Variants in GRIP1 observed in about 807,000 individuals in gnomAD.
GRIP1 encodes glutamate receptor interacting protein 1, also known as glutamate receptor-interacting protein 1.
Under a neutral mutation model 129.9 loss-of-function variants are expected in GRIP1, and 45 were observed. That is an observed-to-expected ratio of 0.35 (90% CI 0.27 to 0.44). GRIP1 has a LOEUF of 0.44. Ranked by LOEUF, GRIP1 falls within the 20% of genes least tolerant of loss-of-function variation. The probability of loss-of-function intolerance (pLI) is 1.00; values close to 1 mark genes in which losing one functional copy is unlikely to be tolerated. For missense variants in GRIP1, 1,196 were observed against 1,396.8 expected (o/e 0.86, Z 2.29); for synonymous variants, 530 against 520.8 (o/e 1.02, Z -0.24).
At chr12:66,680,444 G>C (rs971724583), upstream of GRIP1, among the ~76,000 whole-genome samples, 8 of 152,136 alleles carry the variant, frequency 5.3e-5, no homozygotes, top group African/African-American at 1.9e-4. Flanking sequence ...GAAAAGAACA[G>C]AATTCTTTTA....
intron 1 of GRIP1, among the ~76,000 whole-genome samples, chr12:66,798,174 AC>A (rs2038756113): frequency 6.6e-6 from 1 of 152,192 alleles, no homozygotes; most frequent in African/African-American, 2.4e-5. Context: ...GTAGAAATCA[AC>A]AAAAAATAAG....
intron 16 of GRIP1, among the ~76,000 whole-genome samples, chr12:66,402,265 A>C (rs1265724423): frequency 6.6e-6 from 1 of 152,144 alleles, no homozygotes; most frequent in Non-Finnish European, 1.5e-5. Flanking sequence ...TCATATTGTT[A>C]ATTATTGATT....
At chr12:66,562,176 G>C (rs930874003) in intron 2 of GRIP1, among the ~76,000 whole-genome samples, 4 of 152,156 alleles carry the variant, frequency 2.6e-5, no homozygotes, top group Non-Finnish European at 5.9e-5. Flanking sequence ...CACTAAGGTT[G>C]TTTAAGTATT....
At chr12:66,608,680 A>G (rs959769794) in intron 1 of GRIP1, among the ~76,000 whole-genome samples, 5 of 152,084 alleles carry the variant, frequency 3.3e-5, no homozygotes, top group Admixed American at 2.6e-4. Flanking sequence ...TCAACTCACT[A>G]GAGTTTTACT....
intron 7 of GRIP1, among the ~76,000 whole-genome samples, chr12:66,494,118 G>A (rs2138699538): frequency 6.6e-6 from 1 of 152,260 alleles, no homozygotes; most frequent in African/African-American, 2.4e-5. Context: ...TTAATTCATT[G>A]TCTCACTTTC....
At chr12:67,011,012 A>G (rs2042698768) in intron 1 of GRIP1, among the ~76,000 whole-genome samples, 1 of 152,142 alleles carries the variant, frequency 6.6e-6, no homozygotes, top group Non-Finnish European at 1.5e-5. Flanking sequence ...ATGGCTTCAA[A>G]GAACTGTAAA....
intron 1 of GRIP1, among the ~76,000 whole-genome samples, chr12:67,031,451 G>A (rs994468728): frequency 3.9e-5 from 6 of 152,106 alleles, no homozygotes; most frequent in Middle Eastern, 3.4e-3. Context: ...ACCATCTTCC[G>A]CTATTACCCA....
At chr12:66,706,230 A>G (rs1229710043) in intron 1 of GRIP1, among the ~76,000 whole-genome samples, 1 of 152,194 alleles carries the variant, frequency 6.6e-6, no homozygotes, top group Admixed American at 6.5e-5. Context: ...CCCCATCAAA[A>G]AGTGGGCAAA....
chr12:66,831,750 G>A (rs2039522806), intron 1 of GRIP1, among the ~76,000 whole-genome samples: 1 of 152,026 alleles, frequency 6.6e-6, no homozygotes, highest in Admixed American at 6.6e-5. Context: ...GGACGAGCAC[G>A]GTACAAAACC....
chr12:66,377,887 G>T (rs564864106), intron 20 of GRIP1, among the ~76,000 whole-genome samples: 1 of 152,204 alleles, frequency 6.6e-6, no homozygotes, highest in South Asian at 2.1e-4. Flanking sequence ...GTTGGAATGG[G>T]ATGGAACGTC....
At chr12:66,742,430 A>G (rs1592798129) in intron 1 of GRIP1, among the ~76,000 whole-genome samples, 1 of 152,224 alleles carries the variant, frequency 6.6e-6, no homozygotes, top group East Asian at 1.9e-4. Flanking sequence ...GCATCCTGAC[A>G]AGACTACCAG....
At chr12:66,883,773 T>C (rs1186237652) in intron 1 of GRIP1, among the ~76,000 whole-genome samples, 1 of 152,212 alleles carries the variant, frequency 6.6e-6, no homozygotes, top group Non-Finnish European at 1.5e-5. Context: ...TACTACATAG[T>C]GGAGAAGAGG....
At chr12:66,700,725 T>C (rs570427543) in intron 1 of GRIP1, among the ~76,000 whole-genome samples, 26 of 152,136 alleles carry the variant, frequency 1.7e-4, no homozygotes, top group African/African-American at 6.3e-4. Flanking sequence ...CTAGTACTGC[T>C]AGCAAGAGAT....
chr12:66,703,219 T>C (rs997302285), intron 1 of GRIP1, among the ~76,000 whole-genome samples: 1 of 152,100 alleles, frequency 6.6e-6, no homozygotes, highest in Admixed American at 6.6e-5. Flanking sequence ...TTGCTTGCAG[T>C]GTATGTGTGT....
chr12:66,954,974 T>C (rs747152443), intron 1 of GRIP1, among the ~76,000 whole-genome samples: 4 of 152,110 alleles, frequency 2.6e-5, no homozygotes, highest in Non-Finnish European at 5.9e-5. Flanking sequence ...ATTGATAAAG[T>C]GCCACTTGAG....
At chr12:66,899,764 C>T (rs949619966) in intron 1 of GRIP1, among the ~76,000 whole-genome samples, 1 of 152,220 alleles carries the variant, frequency 6.6e-6, no homozygotes, top group South Asian at 2.1e-4. Context: ...CTATACTTCT[C>T]TATCCCACAA....
chr12:66,418,257 C>G (rs1472540042), intron 15 of GRIP1, among the ~76,000 whole-genome samples: 1 of 152,110 alleles, frequency 6.6e-6, no homozygotes, highest in Non-Finnish European at 1.5e-5. Context: ...AAAAACTAGA[C>G]AGCTATTTCT....
At chr12:66,352,866 G>A (rs1181948367) in intron 24 of GRIP1, among the ~76,000 whole-genome samples, 3 of 152,156 alleles carry the variant, frequency 2.0e-5, no homozygotes, top group Admixed American at 6.5e-5. Context: ...TTGGGAGGCC[G>A]AGGCAGGAGA....
intron 1 of GRIP1, among the ~76,000 whole-genome samples, chr12:66,784,710 C>A (rs1360181685): frequency 6.6e-6 from 1 of 152,172 alleles, no homozygotes; most frequent in Admixed American, 6.6e-5. Flanking sequence ...AAACTACTCC[C>A]TGGTCTTAGC....
Sources: gnomAD v4.1 joint callset for allele counts (sites outside exome capture counted in the v4.1 genomes callset) on GRCh38, gnomAD v4.1.1 for gene constraint, MANE v1.5 for transcripts, NCBI Gene and HGNC (gene_info 2026-07-23, HGNC 2026-07-21) for gene names.